The following ARHGAP26 variants were observed in gnomAD, a reference collection of about 807,000 sequenced individuals.
ARHGAP26 encodes the protein Rho GTPase activating protein 26, also known as rho GTPase-activating protein 26.
ARHGAP26 carries 38 observed loss-of-function variants against 104.8 expected under a neutral mutation model. That is an observed-to-expected ratio of 0.36 (90% CI 0.28 to 0.48). The LOEUF (loss-of-function observed/expected upper bound fraction) is 0.48. Ranked by LOEUF, ARHGAP26 falls within the 20% of genes least tolerant of loss-of-function variation. ARHGAP26 has a pLI of 0.99. For missense variants in ARHGAP26, 704 were observed against 947.9 expected (o/e 0.74, Z 3.38); for synonymous variants, 341 against 340.0 (o/e 1.00, Z -0.03).
intron 11 of ARHGAP26, among the ~76,000 whole-genome samples, chr5:142,990,522 G>A (rs1250163721): frequency 6.6e-6 from 1 of 152,148 alleles, no homozygotes; most frequent in Non-Finnish European, 1.5e-5. Context: ...GCATTCCTTG[G>A]GAGGAGAAGA....
chr5:143,019,210 G>A (rs1451291448), intron 12 of ARHGAP26, among the ~76,000 whole-genome samples: 2 of 151,698 alleles, frequency 1.3e-5, no homozygotes, highest in Non-Finnish European at 2.9e-5. Flanking sequence ...AGAAGGGAAG[G>A]GGAAAAAGGG....
At chr5:143,125,780 ATAT>A (rs1385238911) in intron 18 of ARHGAP26, among the ~76,000 whole-genome samples, 31 of 152,332 alleles carry the variant, frequency 2.0e-4, no homozygotes, top group African/African-American at 6.3e-4. Context: ...TGTTTACAAG[ATAT>A]TGTGCTAAGC....
At chr5:143,094,572 T>G (rs1287486802) in intron 17 of ARHGAP26, among the ~76,000 whole-genome samples, 1 of 152,240 alleles carries the variant, frequency 6.6e-6, no homozygotes, top group African/African-American at 2.4e-5. Flanking sequence ...TTCTTTTTAA[T>G]TCTCAGCAAG....
At chr5:142,963,397 A>G (rs999359006) in intron 11 of ARHGAP26, among the ~76,000 whole-genome samples, 2 of 152,044 alleles carry the variant, frequency 1.3e-5, no homozygotes, top group Middle Eastern at 3.4e-3. Context: ...GCTGGATCAA[A>G]TGGTAGTTCT....
intron 11 of ARHGAP26, among the ~76,000 whole-genome samples, chr5:142,991,916 C>T (rs1775676406): frequency 6.6e-6 from 1 of 152,232 alleles, no homozygotes; most frequent in Non-Finnish European, 1.5e-5. Flanking sequence ...TTCATGAAGA[C>T]TGTGCCAATT....
chr5:142,878,738 T>C (rs780811984), intron 3 of ARHGAP26, among the ~76,000 whole-genome samples: 5 of 152,190 alleles, frequency 3.3e-5, no homozygotes, highest in Non-Finnish European at 7.3e-5. Context: ...AATAGCCAAA[T>C]GCTACGGCCC....
chr5:142,955,984 G>C (rs1156685080), intron 11 of ARHGAP26, among the ~76,000 whole-genome samples: 1 of 152,142 alleles, frequency 6.6e-6, no homozygotes, highest in Non-Finnish European at 1.5e-5. Flanking sequence ...ACAATCTCTG[G>C]AGGGCTTCTT....
intron 11 of ARHGAP26, among the ~76,000 whole-genome samples, chr5:143,003,572 G>T (rs527488919): frequency 6.6e-6 from 1 of 152,236 alleles, no homozygotes; most frequent in South Asian, 2.1e-4. Context: ...GAAATGATAA[G>T]AATGAAAAAT....
intron 20 of ARHGAP26, chr5:143,170,144 C>T (rs1802565663): frequency 6.6e-6 from 1 of 152,134 alleles, no homozygotes; most frequent in Non-Finnish European, 1.5e-5. Context: ...GGGCTGGCCT[C>T]CATTCATTTT....
At chr5:143,119,043 A>T (rs1250673477) in intron 17 of ARHGAP26, among the ~76,000 whole-genome samples, 3 of 152,158 alleles carry the variant, frequency 2.0e-5, no homozygotes, top group Non-Finnish European at 4.4e-5. Context: ...ACTGCTAAAC[A>T]TTCACATGTG....
At chr5:143,037,929 A>G (rs17707048) in intron 13 of ARHGAP26, among the ~76,000 whole-genome samples, 8,079 of 152,292 alleles carry the variant, frequency 0.053, 295 homozygotes, top group South Asian at 0.17. Context: ...CCATGTTCAC[A>G]CTGATCTTTC....
intron 9 of ARHGAP26, among the ~76,000 whole-genome samples, chr5:142,909,361 G>A (rs982154895): frequency 6.6e-6 from 1 of 152,150 alleles, no homozygotes; most frequent in Non-Finnish European, 1.5e-5. Flanking sequence ...TTGAGTTTGC[G>A]TGTGTGTGGG....
intron 1 of ARHGAP26, among the ~76,000 whole-genome samples, chr5:142,808,728 C>T (rs757084285): frequency 1.3e-5 from 2 of 152,086 alleles, no homozygotes; most frequent in African/African-American, 2.4e-5. Context: ...CATGGTCCAT[C>T]TGTTTGGGAC....
intron 11 of ARHGAP26, among the ~76,000 whole-genome samples, chr5:142,943,805 A>G (rs1343621519): frequency 6.6e-6 from 1 of 152,150 alleles, no homozygotes; most frequent in Non-Finnish European, 1.5e-5. Context: ...CACTACCTTT[A>G]TAGGCTTGAG....
chr5:143,158,067 A>G (rs1800719679), intron 20 of ARHGAP26, among the ~76,000 whole-genome samples: 3 of 152,340 alleles, frequency 2.0e-5, no homozygotes, highest in Middle Eastern at 3.4e-3. Flanking sequence ...AAACCAATCA[A>G]TAAAAATTGG....
At chr5:142,981,588 A>G (rs1773949178) in intron 11 of ARHGAP26, among the ~76,000 whole-genome samples, 1 of 152,200 alleles carries the variant, frequency 6.6e-6, no homozygotes, top group Non-Finnish European at 1.5e-5. Flanking sequence ...TTTTGAAGCC[A>G]TGAGTGTGCT....
At chr5:142,839,165 A>G (rs1190308216) in intron 1 of ARHGAP26, among the ~76,000 whole-genome samples, 1 of 152,242 alleles carries the variant, frequency 6.6e-6, no homozygotes, top group Non-Finnish European at 1.5e-5. Flanking sequence ...GTAATACAAA[A>G]TACATTTACA....
chr5:142,991,332 A>G (rs1598516607), intron 11 of ARHGAP26, among the ~76,000 whole-genome samples: 1 of 152,046 alleles, frequency 6.6e-6, no homozygotes, highest in East Asian at 1.9e-4. Flanking sequence ...TTAGGGTGGG[A>G]GTGTCTCGAT....
intron 11 of ARHGAP26, among the ~76,000 whole-genome samples, chr5:142,989,631 G>C (rs1345713809): frequency 2.0e-5 from 3 of 152,170 alleles, no homozygotes; most frequent in Admixed American, 1.3e-4. Flanking sequence ...TCCTTCAGGA[G>C]CTCTTGTAGG....
Sources: gnomAD v4.1 joint callset for allele counts (sites outside exome capture counted in the v4.1 genomes callset) on GRCh38, gnomAD v4.1.1 for gene constraint, MANE v1.5 for transcripts, NCBI Gene and HGNC (gene_info 2026-07-23, HGNC 2026-07-21) for gene names.